Variants in KHDRBS2 observed in about 807,000 individuals in gnomAD.
KHDRBS2 encodes KH RNA binding domain containing, signal transduction associated 2.
A neutral mutation model predicts 44.3 loss-of-function variants in KHDRBS2; 26 were observed. The observed-to-expected ratio is 0.59, with a 90% confidence interval of 0.43 to 0.81. The LOEUF (loss-of-function observed/expected upper bound fraction) is 0.81. KHDRBS2 is among the 40% of genes least tolerant of loss of function. KHDRBS2 has a pLI of 0.00. For missense variants in KHDRBS2, 476 were observed against 433.1 expected, an observed-to-expected ratio of 1.10 and a Z score of -0.88; for synonymous variants, 194 against 151.1, an observed-to-expected ratio of 1.28 and a Z score of -2.08.
chr6:61,727,220 C>G (rs938830635), intron 7 of KHDRBS2, among the ~76,000 whole-genome samples: 1 of 152,136 alleles, frequency 6.6e-6, no homozygotes, highest in Non-Finnish European at 1.5e-5. Flanking sequence ...GTAGAACTGT[C>G]TAGCCATATG....
intron 2 of KHDRBS2, among the ~76,000 whole-genome samples, chr6:62,174,064 T>A (rs1196810165): frequency 6.6e-6 from 1 of 151,772 alleles, no homozygotes; most frequent in Non-Finnish European, 1.5e-5. Flanking sequence ...GCCAGGGAAA[T>A]CAGGCAGGAA....
the KHDRBS2 span, among the ~76,000 whole-genome samples, chr6:61,585,357 T>A: frequency 2.0e-5 from 3 of 152,014 alleles, no homozygotes; most frequent in East Asian, 5.8e-4. Context: ...TTTACAGTGT[T>A]CCAAAACTCA....
At chr6:62,049,178 A>C (rs568443671) in intron 2 of KHDRBS2, among the ~76,000 whole-genome samples, 1 of 151,986 alleles carries the variant, frequency 6.6e-6, no homozygotes, top group Non-Finnish European at 1.5e-5. Flanking sequence ...TATAATGCCC[A>C]AAAAGACTAT....
the KHDRBS2 span, among the ~76,000 whole-genome samples, chr6:61,548,620 G>A: frequency 1.3e-5 from 2 of 152,008 alleles, no homozygotes; most frequent in Non-Finnish European, 2.9e-5. Context: ...CACTTCAAAA[G>A]CAAATAATAT....
At position 61,752,342 on chromosome 6, in the gene KHDRBS2, G is replaced by C. The variant is rs574255138; in HGVS notation, c.811-19578C>G. ...AGAAGAATAAGGCTCACAGAGTTTA[G>C]CAACATGCTCAAGATCTCACAGATT... On this transcript the variant is annotated intron_variant, in intron 6 of 8. Coordinates refer to ENST00000281156, the MANE Select transcript of KHDRBS2 (RefSeq NM_152688.4). Among the ~76,000 whole-genome samples, 6 of 152,220 alleles carry C rather than the reference G, an allele frequency of 3.9e-5. No homozygotes were observed. The East Asian group carries it at 1.2e-3, about 29-fold the overall frequency.
intron 4 of KHDRBS2, among the ~76,000 whole-genome samples, chr6:61,975,347 ATTC>A (rs1772359288): frequency 1.3e-5 from 2 of 152,156 alleles, no homozygotes; most frequent in Middle Eastern, 3.2e-3. Context: ...ACTGCCTAGA[ATTC>A]TTCATCTACA....
intron 7 of KHDRBS2, among the ~76,000 whole-genome samples, chr6:61,727,324 A>G (rs1038420980): frequency 3.9e-5 from 6 of 152,110 alleles, no homozygotes; most frequent in Non-Finnish European, 8.8e-5. Context: ...AACTATAAAA[A>G]CTCTAGAAGA....
intron 2 of KHDRBS2, among the ~76,000 whole-genome samples, chr6:62,101,660 T>G (rs1236670696): frequency 6.6e-6 from 1 of 152,180 alleles, no homozygotes. Flanking sequence ...GGGAAACAGG[T>G]ATCAAAGATG....
rs188932539 is a variant in KHDRBS2 at position 62,092,281 on chromosome 6, C to G, written c.220-44287G>C. Reference sequence around the variant, plus strand: ...AAATGGCATTTACCAGTCTACAGTACCACAAAGAGACCTATCAAATCATAT... The same window carrying G: ...AAATGGCATTTACCAGTCTACAGTAGCACAAAGAGACCTATCAAATCATAT... On this transcript the variant is annotated intron_variant, in intron 2 of 8. Transcript: ENST00000281156. Among the ~76,000 whole-genome samples, 8 of 152,124 alleles carry G rather than the reference C, an allele frequency of 5.3e-5. No homozygotes were observed. In the East Asian group the frequency reaches 1.5e-3, roughly 29 times the overall value.
intron 6 of KHDRBS2, among the ~76,000 whole-genome samples, chr6:61,829,002 T>G (rs1360992465): frequency 6.6e-6 from 1 of 152,260 alleles, no homozygotes; most frequent in Non-Finnish European, 1.5e-5. Flanking sequence ...AAATGATTCT[T>G]TAAAAATTTA....
the KHDRBS2 span, among the ~76,000 whole-genome samples, chr6:61,592,434 C>T: frequency 1.3e-5 from 2 of 152,036 alleles, no homozygotes; most frequent in Non-Finnish European, 2.9e-5. Context: ...GCAGATGAAG[C>T]CTCACAGGTA....
chr6:62,283,941 G>A (rs1196404928), intron 1 of KHDRBS2, among the ~76,000 whole-genome samples: 7 of 151,894 alleles, frequency 4.6e-5, no homozygotes, highest in African/African-American at 7.3e-5. Context: ...TAACCTCTTT[G>A]TTTCTTACTT....
intron 6 of KHDRBS2, among the ~76,000 whole-genome samples, chr6:61,893,301 C>G (rs71568778): frequency 3.2e-3 from 494 of 152,180 alleles, no homozygotes; most frequent in South Asian, 9.1e-3. Flanking sequence ...ACTGTTGGTG[C>G]GACTGTAAAC....
chr6:61,774,150 C>G (rs1290458493), intron 6 of KHDRBS2, among the ~76,000 whole-genome samples: 1 of 152,002 alleles, frequency 6.6e-6, no homozygotes, highest in African/African-American at 2.4e-5. Flanking sequence ...GCCATATGAA[C>G]TTTAAAGTAG....
the KHDRBS2 span, among the ~76,000 whole-genome samples, chr6:61,611,496 T>G: frequency 6.6e-6 from 1 of 152,206 alleles, no homozygotes; most frequent in African/African-American, 2.4e-5. Flanking sequence ...ACCTTAAATT[T>G]AAGTTTTATC....
At chr6:62,247,387 G>C (rs542219964) in intron 1 of KHDRBS2, among the ~76,000 whole-genome samples, 1 of 151,812 alleles carries the variant, frequency 6.6e-6, no homozygotes, top group African/African-American at 2.4e-5. Flanking sequence ...GCACCAAAGA[G>C]AGTATATACT....
chr6:61,809,032 T>C (rs777737590), intron 6 of KHDRBS2, among the ~76,000 whole-genome samples: 4 of 152,080 alleles, frequency 2.6e-5, no homozygotes, highest in Non-Finnish European at 4.4e-5. Flanking sequence ...ATAATAATGA[T>C]TTTCTGAATA....
rs1289395626 is a variant in KHDRBS2, at chr6:61,972,731, G to A, written c.483+5335C>T. On this transcript the variant is annotated intron_variant, in intron 4 of 8. Transcript: ENST00000281156. Reference sequence around the variant, plus strand: ...TTGCTATAAATGTTGAACTCCTGCCGTCAGCCAGTCAAAATGTATCTGCCA... The same window carrying A: ...TTGCTATAAATGTTGAACTCCTGCCATCAGCCAGTCAAAATGTATCTGCCA... Among the ~76,000 whole-genome samples, 12 of 152,116 alleles carry A rather than the reference G, an allele frequency of 7.9e-5. 1 individual carries two copies. The highest frequency in any genetic ancestry group is 3.3e-4 in the Admixed American group (5 of 15,258).
chr6:61,964,562 A>C (rs1193276218), intron 4 of KHDRBS2, among the ~76,000 whole-genome samples: 1 of 152,116 alleles, frequency 6.6e-6, no homozygotes, highest in Non-Finnish European at 1.5e-5. Flanking sequence ...ACTATTTCTA[A>C]AAAATAAGCT....
Sources: gnomAD v4.1 joint callset for allele counts (sites outside exome capture counted in the v4.1 genomes callset) on GRCh38, gnomAD v4.1.1 for gene constraint, MANE v1.5 for transcripts, NCBI Gene and HGNC (gene_info 2026-07-23, HGNC 2026-07-21) for gene names.